TUSC3: variants seen among roughly 807,000 people sequenced by gnomAD.
The protein encoded by TUSC3 is tumor suppressor candidate 3.
A neutral mutation model predicts 44.8 loss-of-function variants in TUSC3; 45 were observed. The observed-to-expected ratio is 1.00, with a 90% CI of 0.79 to 1.29. The LOEUF is 1.29. Among genes scored for constraint, TUSC3 ranks in the 50% most tolerant of loss-of-function variants. The probability of loss-of-function intolerance (pLI) is 0.00; values close to 1 mark genes in which losing one functional copy is unlikely to be tolerated. For missense variants in TUSC3, 519 were observed against 437.9 expected (o/e 1.19, Z -1.65); for synonymous variants, 212 against 152.9 (o/e 1.39, Z -2.85).
chr8:15,594,571 G>T (rs560711108), intron 1 of TUSC3, among the ~76,000 whole-genome samples: 1 of 152,234 alleles, frequency 6.6e-6, no homozygotes, highest in South Asian at 2.1e-4. Flanking sequence ...TTGATTATAA[G>T]ATTTGTTAGG....
intron 1 of TUSC3, among the ~76,000 whole-genome samples, chr8:15,439,401 A>G (rs993509864): frequency 1.3e-5 from 2 of 152,146 alleles, no homozygotes; most frequent in African/African-American, 4.8e-5. Context: ...CCTTATTTCT[A>G]CAAACAATAG....
At chr8:15,612,325 G>A (rs1804799814) in intron 1 of TUSC3, among the ~76,000 whole-genome samples, 1 of 152,062 alleles carries the variant, frequency 6.6e-6, no homozygotes, top group South Asian at 2.1e-4. Flanking sequence ...CATGTTCCTA[G>A]GGATAAAATG....
At chr8:15,840,285 G>A in the TUSC3 span, among the ~76,000 whole-genome samples, 1 of 152,152 alleles carries the variant, frequency 6.6e-6, no homozygotes, top group Non-Finnish European at 1.5e-5. Context: ...TAAGTGATGA[G>A]TTAATGGGTG....
At chr8:15,613,050 C>A (rs1441874401) in intron 1 of TUSC3, among the ~76,000 whole-genome samples, 2 of 116,106 alleles carry the variant, frequency 1.7e-5, no homozygotes, top group African/African-American at 6.3e-5. Context: ...CAATATAAGC[C>A]ATATTATATA....
chr8:15,655,325 T>G (rs1191943261), intron 3 of TUSC3, among the ~76,000 whole-genome samples: 1 of 152,110 alleles, frequency 6.6e-6, no homozygotes, highest in African/African-American at 2.4e-5. Context: ...TAATATGACC[T>G]TCCTCGCGGA....
rs1315027737 is a variant in TUSC3, at chr8:15,710,874, TATATA to T, written c.799-19785_799-19781del. ...ATGCAAATTACTAAGCTGCATTATATATATAATATAAAATATATATATATAAAACC... is the reference window on the plus strand; with the variant it reads ...ATGCAAATTACTAAGCTGCATTATATATATAAAATATATATATATAAAACC... On this transcript the variant is annotated intron_variant, in intron 6 of 10. Transcript: ENST00000503731. 1.1e-4 allele frequency among the ~76,000 whole-genome samples: 16 copies of T among 147,606 alleles called. No homozygotes were observed. In the East Asian group the frequency reaches 1.6e-3, roughly 14 times the overall value.
At chr8:15,535,002 C>G in intron 2 of TUSC3, among the ~76,000 whole-genome samples, 1 of 152,300 alleles carries the variant, frequency 6.6e-6, no homozygotes, top group Middle Eastern at 3.4e-3. Context: ...AGCTAGGTTA[C>G]AGTTCATCCA....
At chr8:15,508,723 A>G (rs1333142060) in intron 2 of TUSC3, among the ~76,000 whole-genome samples, 1 of 152,070 alleles carries the variant, frequency 6.6e-6, no homozygotes, top group African/African-American at 2.4e-5. Context: ...GGCGTCCCAA[A>G]GTGCTGGGAT....
chr8:15,492,437 G>T (rs1800821612), intron 2 of TUSC3, among the ~76,000 whole-genome samples: 2 of 152,116 alleles, frequency 1.3e-5, no homozygotes, highest in African/African-American at 4.8e-5. Flanking sequence ...CAAGATTAAA[G>T]TCAGTAGGGG....
chr8:15,809,942 G>A, the TUSC3 span, among the ~76,000 whole-genome samples: 1 of 152,166 alleles, frequency 6.6e-6, no homozygotes, highest in South Asian at 2.1e-4. Context: ...CCTGGAGAAT[G>A]CACCTTGTTA....
chr8:15,820,622 T>C, the TUSC3 span, among the ~76,000 whole-genome samples: 2 of 152,160 alleles, frequency 1.3e-5, no homozygotes, highest in African/African-American at 4.8e-5. Context: ...CCAGCCTCTG[T>C]AATTATTTTA....
chr8:15,529,407 A>G (rs566226766), intron 2 of TUSC3, among the ~76,000 whole-genome samples: 1 of 152,350 alleles, frequency 6.6e-6, no homozygotes, highest in South Asian at 2.1e-4. Flanking sequence ...GTTGAGGTTT[A>G]TCAATATTAT....
At chr8:15,602,358 A>G (rs1015859535) in intron 1 of TUSC3, among the ~76,000 whole-genome samples, 4 of 151,786 alleles carry the variant, frequency 2.6e-5, no homozygotes, top group African/African-American at 9.7e-5. Flanking sequence ...AACTTCCATC[A>G]TGAATTTTAA....
the TUSC3 span, among the ~76,000 whole-genome samples, chr8:15,827,651 G>A: frequency 5.3e-5 from 8 of 152,104 alleles, no homozygotes; most frequent in African/African-American, 1.7e-4. Context: ...TTGCTAATGT[G>A]TACATTTGAT....
intron 2 of TUSC3, among the ~76,000 whole-genome samples, chr8:15,501,879 AAC>A (rs1404725581): frequency 2.0e-5 from 3 of 152,318 alleles, no homozygotes; most frequent in South Asian, 4.1e-4. Context: ...AGTATTTAAT[AAC>A]ACAGTCTCTT....
chr8:15,556,957 C>G (rs959560986), intron 1 of TUSC3, among the ~76,000 whole-genome samples: 20 of 149,936 alleles, frequency 1.3e-4, no homozygotes, highest in Non-Finnish European at 5.9e-5. Flanking sequence ...TGTAGGTTGC[C>G]TGTACACTCT....
intron 1 of TUSC3, among the ~76,000 whole-genome samples, chr8:15,556,743 T>C (rs1489665668): frequency 2.1e-5 from 3 of 142,544 alleles, no homozygotes; most frequent in African/African-American, 7.7e-5. Flanking sequence ...TTTGCATTTC[T>C]CTGATGGCCA....
the TUSC3 span, among the ~76,000 whole-genome samples, chr8:15,827,699 A>C: frequency 4.3e-4 from 65 of 152,162 alleles, no homozygotes; most frequent in Non-Finnish European, 7.3e-4. Flanking sequence ...GATTATCTTC[A>C]TAAATTTTAT....
At chr8:15,441,839 C>G (rs1216910242) in intron 1 of TUSC3, among the ~76,000 whole-genome samples, 1 of 152,160 alleles carries the variant, frequency 6.6e-6, no homozygotes, top group African/African-American at 2.4e-5. Flanking sequence ...GATTATGCTT[C>G]TCTAAGCACA....
Sources: gnomAD v4.1 joint callset for allele counts (sites outside exome capture counted in the v4.1 genomes callset) on GRCh38, gnomAD v4.1.1 for gene constraint, MANE v1.5 for transcripts, NCBI Gene and HGNC (gene_info 2026-07-23, HGNC 2026-07-21) for gene names.